The following CARMIL1 variants were observed in gnomAD, a reference collection of about 807,000 sequenced individuals.
CARMIL1 encodes F-actin-uncapping protein LRRC16A.
Under a neutral mutation model 177.1 loss-of-function variants are expected in CARMIL1, and 90 were observed. The observed-to-expected ratio is 0.51, with a 90% CI of 0.43 to 0.61. The LOEUF (loss-of-function observed/expected upper bound fraction) is 0.61. Among genes scored for constraint, CARMIL1 ranks in the 20% least tolerant of loss-of-function variants. The probability of loss-of-function intolerance (pLI) is 0.00; values close to 1 mark genes in which losing one functional copy is unlikely to be tolerated. For missense variants in CARMIL1, 1,380 were observed against 1,667.0 expected, an observed-to-expected ratio of 0.83 and a Z score of 3.00; for synonymous variants, 577 against 606.2, an observed-to-expected ratio of 0.95 and a Z score of 0.71.
chr6:25,350,430 G>A (rs77529164), intron 2 of CARMIL1, among the ~76,000 whole-genome samples: 8,678 of 152,100 alleles, frequency 0.057, 563 homozygotes, highest in African/African-American at 0.16. Context: ...TGCAGCACTG[G>A]GGCCACCGTC....
chr6:25,480,270 C>G (rs988965587), intron 11 of CARMIL1, among the ~76,000 whole-genome samples: 4 of 151,962 alleles, frequency 2.6e-5, no homozygotes, highest in African/African-American at 9.7e-5. Flanking sequence ...TAGAAAACTT[C>G]CATTATTATA....
chr6:25,423,626 G>A (rs1217943620), intron 3 of CARMIL1, among the ~76,000 whole-genome samples: 1 of 152,142 alleles, frequency 6.6e-6, no homozygotes, highest in African/African-American at 2.4e-5. Context: ...CTGCTGCCTG[G>A]GGAAGAGCGG....
chr6:25,423,504 C>T (rs374633089), intron 3 of CARMIL1, among the ~76,000 whole-genome samples: 1 of 152,134 alleles, frequency 6.6e-6, no homozygotes, highest in African/African-American at 2.4e-5. Context: ...GACCACAGTG[C>T]ATTTGGGGAG....
intron 8 of CARMIL1, among the ~76,000 whole-genome samples, chr6:25,459,210 TTTTCTTTCTTTCTTTCTTTCTTTCTTTC>T (rs5875042): frequency 2.5e-5 from 2 of 80,178 alleles, no homozygotes; most frequent in East Asian, 4.4e-4. Context: ...GATCCCAACT[TTTTCTTTCTTTCTTTCTTTCTTTCTTTC>T]TTTCTTTCTT....
At chr6:25,305,349 G>A (rs887622422) in intron 2 of CARMIL1, among the ~76,000 whole-genome samples, 3 of 152,194 alleles carry the variant, frequency 2.0e-5, no homozygotes, top group African/African-American at 7.2e-5. Flanking sequence ...TAGGAGAAAA[G>A]GGCATGGCTA....
chr6:25,521,560 G>A (rs981106484), intron 23 of CARMIL1, among the ~76,000 whole-genome samples: 1 of 152,120 alleles, frequency 6.6e-6, no homozygotes, highest in Admixed American at 6.5e-5. Context: ...ATGAGGTCAG[G>A]AGATCGAGAC....
intron 5 of CARMIL1, among the ~76,000 whole-genome samples, chr6:25,445,101 G>T (rs1255897141): frequency 6.6e-6 from 1 of 152,130 alleles, no homozygotes; most frequent in African/African-American, 2.4e-5. Flanking sequence ...TTGTGGTTTT[G>T]CCTTGCATTT....
intron 2 of CARMIL1, among the ~76,000 whole-genome samples, chr6:25,413,986 T>C (rs562366382): frequency 2.6e-5 from 4 of 152,308 alleles, no homozygotes; most frequent in Admixed American, 6.5e-5. Context: ...TAATCTTACT[T>C]TGTGAAACTA....
chr6:25,582,230 T>A (rs1813184762), intron 31 of CARMIL1, among the ~76,000 whole-genome samples: 1 of 152,186 alleles, frequency 6.6e-6, no homozygotes, highest in Non-Finnish European at 1.5e-5. Context: ...TCTTACTTGA[T>A]GTTTCAGCAG....
intron 29 of CARMIL1, among the ~76,000 whole-genome samples, chr6:25,578,878 T>G (rs527499672): frequency 7.9e-5 from 12 of 152,188 alleles, no homozygotes; most frequent in African/African-American, 2.9e-4. Flanking sequence ...TATTCAAGCT[T>G]TCTATACTGG....
At chr6:25,320,983 T>C (rs1346032538) in intron 2 of CARMIL1, among the ~76,000 whole-genome samples, 2 of 152,244 alleles carry the variant, frequency 1.3e-5, no homozygotes, top group African/African-American at 4.8e-5. Context: ...CTGGACTGCA[T>C]GTGGCCCATG....
chr6:25,309,396 T>C (rs2150199282), intron 2 of CARMIL1, among the ~76,000 whole-genome samples: 1 of 150,630 alleles, frequency 6.6e-6, no homozygotes, highest in Admixed American at 6.6e-5. Context: ...ATACCATACA[T>C]TTCACCTGTT....
chr6:25,526,929 G>A (rs1490650443), intron 23 of CARMIL1, among the ~76,000 whole-genome samples: 2 of 151,844 alleles, frequency 1.3e-5, no homozygotes, highest in Non-Finnish European at 2.9e-5. Context: ...TTGTCTTCTG[G>A]AAAAAATATG....
In CARMIL1 at chr6:25,581,447, G is replaced by A. The variant is rs200244824; in HGVS notation, c.3006+8G>A. On this transcript the variant is annotated splice_region_variant and intron_variant, in intron 31 of 36. Coordinates refer to ENST00000329474, the MANE Select transcript of CARMIL1 (RefSeq NM_017640.6). ...CAACCCACCCAAGCAGCGGTAGGTGGACTGCAGGAGAGGCCCCATCTCTCC... is the reference window on the plus strand; with the variant it reads ...CAACCCACCCAAGCAGCGGTAGGTGAACTGCAGGAGAGGCCCCATCTCTCC... The A allele has an allele frequency of 3.8e-4, 612 of 1,601,296 alleles. No individual in the cohort carries two copies. The highest frequency in any genetic ancestry group is 4.7e-4 in the Non-Finnish European group (555 of 1,173,226).
At chr6:25,417,687 C>T (rs560736805) in intron 2 of CARMIL1, among the ~76,000 whole-genome samples, 1 of 151,742 alleles carries the variant, frequency 6.6e-6, no homozygotes, top group Non-Finnish European at 1.5e-5. Context: ...TGGTTAAGAA[C>T]ATTGGTTTTG....
At chr6:25,404,540 T>A (rs1035592072) in intron 2 of CARMIL1, among the ~76,000 whole-genome samples, 1 of 152,084 alleles carries the variant, frequency 6.6e-6, no homozygotes, top group Admixed American at 6.6e-5. Context: ...GCGGATCACC[T>A]GAGGTCGGGA....
chr6:25,449,100 C>T (rs1798531004), intron 5 of CARMIL1, among the ~76,000 whole-genome samples: 1 of 152,084 alleles, frequency 6.6e-6, no homozygotes, highest in Non-Finnish European at 1.5e-5. Context: ...TCACATTGCC[C>T]AGGCTGGCCT....
intron 15 of CARMIL1, among the ~76,000 whole-genome samples, chr6:25,494,425 C>A (rs569717658): frequency 2.6e-5 from 4 of 152,306 alleles, no homozygotes; most frequent in African/African-American, 7.2e-5. Context: ...TTTTCTTAAA[C>A]CCTTATCATA....
intron 2 of CARMIL1, among the ~76,000 whole-genome samples, chr6:25,384,137 C>T (rs1791906256): frequency 6.6e-6 from 1 of 152,218 alleles, no homozygotes; most frequent in South Asian, 2.1e-4. Context: ...CCGCGCCCGG[C>T]TGGTTTTTAA....
Sources: gnomAD v4.1 joint callset for allele counts (sites outside exome capture counted in the v4.1 genomes callset) on GRCh38, gnomAD v4.1.1 for gene constraint, MANE v1.5 for transcripts, NCBI Gene and HGNC (gene_info 2026-07-23, HGNC 2026-07-21) for gene names.